SUSD5: variants seen among roughly 807,000 people sequenced by gnomAD.
The protein encoded by SUSD5 is sushi domain containing 5.
Under a neutral mutation model 29.5 loss-of-function variants are expected in SUSD5, and 33 were observed. The ratio of observed to expected loss-of-function variants is 1.12; its 90% CI spans 0.85 to 1.49. The LOEUF is 1.49. Ranked by LOEUF, SUSD5 falls within the 40% of genes most tolerant of loss-of-function variation. The probability of loss-of-function intolerance (pLI) is 0.00; values close to 1 mark genes in which losing one functional copy is unlikely to be tolerated. For missense variants in SUSD5, 776 were observed against 800.6 expected (o/e 0.97, Z 0.37); for synonymous variants, 308 against 325.3 (o/e 0.95, Z 0.57).
In SUSD5 at chr3:33,204,966, C is replaced by T. The variant is rs2032189096; in HGVS notation, c.409+2842G>A. Among the ~76,000 whole-genome samples the T allele has an allele frequency of 6.6e-6, 1 of 151,976 alleles. No homozygotes were observed. Among genetic ancestry groups the T allele is most frequent in the South Asian group, 2.1e-4 (1 of 4,820 alleles). ...CATTCTCTTCTCTCTCTTCCTCTCTCCACACCTCTTCCTCTCTCCACACCA... is the reference window on the plus strand; with the variant it reads ...CATTCTCTTCTCTCTCTTCCTCTCTTCACACCTCTTCCTCTCTCCACACCA... On this transcript the variant is annotated intron_variant, in intron 3 of 4. Transcript: ENST00000309558. This position sits in a 1 kb window ranked among gnomAD's most constrained non-coding sequence, Gnocchi z 4.5.
At chr3:33,165,913 T>C (rs192449393) in intron 4 of SUSD5, among the ~76,000 whole-genome samples, 1 of 149,764 alleles carries the variant, frequency 6.7e-6, no homozygotes, top group Non-Finnish European at 1.5e-5. Flanking sequence ...GAGCCCGAGA[T>C]AGGAGGATCA....
At chr3:33,207,988 A>AGTG in intron 2 of SUSD5, 62 bp from the exon 3 acceptor site, 2 of 1,257,626 alleles carry the variant, frequency 1.6e-6, no homozygotes, top group African/African-American at 3.0e-5. Context: ...ATAAGGAATA[A>AGTG]TTCTCTTCTG....
chr3:33,218,148 T>C (rs1221755203), intron 1 of SUSD5, among the ~76,000 whole-genome samples: 1 of 152,216 alleles, frequency 6.6e-6, no homozygotes, highest in Non-Finnish European at 1.5e-5. Context: ...TTGTCCCGTT[T>C]TTCCTGTCAC....
intron 3 of SUSD5, among the ~76,000 whole-genome samples, chr3:33,189,346 C>T (rs1295909627): frequency 6.6e-6 from 1 of 151,958 alleles, no homozygotes. Flanking sequence ...GATGTGGCGG[C>T]GCACGCCTGT....
intron 3 of SUSD5, among the ~76,000 whole-genome samples, chr3:33,190,492 T>C (rs2031868731): frequency 6.6e-6 from 1 of 152,258 alleles, no homozygotes; most frequent in Non-Finnish European, 1.5e-5. Context: ...TTTAAAAATT[T>C]ATTGTAAATG....
At chr3:33,191,990 T>C (rs753736156) in intron 3 of SUSD5, among the ~76,000 whole-genome samples, 1 of 152,308 alleles carries the variant, frequency 6.6e-6, no homozygotes, top group East Asian at 1.9e-4. Flanking sequence ...AATTTGCTTG[T>C]TTCCCTTCAG....
intron 4 of SUSD5, among the ~76,000 whole-genome samples, chr3:33,174,502 G>T (rs376594718): frequency 6.6e-6 from 1 of 152,140 alleles, no homozygotes. Context: ...AGTCTTCCCA[G>T]CCCAGTTTAC....
Position 33,153,081 on chromosome 3 carries a change from G to T in SUSD5, c.1551C>A (p.Thr517=). The change falls in exon 5 of 5, where the codon ACC becomes ACA. Residue 517 remains threonine (T), a synonymous_variant. Coordinates refer to ENST00000309558, the MANE Select transcript of SUSD5 (RefSeq NM_015551.2). ...CAGTGGTTTCTACTGGAGGCTGGGT[G>T]GTTGCCATGATCGTTGAGGGGATGT... is the stretch of plus-strand genomic sequence containing the variant. The part of the protein sequence containing the change: ...PNHIPSTIMA[T]TQPPVETTVP... The T allele has an allele frequency of 6.2e-7, 1 of 1,613,892 alleles. No individual in the cohort carries two copies. The highest frequency in any genetic ancestry group is 8.5e-7 in the Non-Finnish European group (1 of 1,179,848).
rs1302904728 is a variant in SUSD5 at position 33,153,347 on chromosome 3, C to T, written c.1285G>A (p.Glu429Lys). 11 of 1,613,754 alleles carry T rather than the reference C, an allele frequency of 6.8e-6. No individual in the cohort carries two copies. The highest frequency in any genetic ancestry group is 5.5e-5 in the South Asian group (5 of 91,066). The change falls in exon 5 of 5, where the codon GAG becomes AAG. Residue 429 changes from glutamate to lysine, a missense_variant. Coordinates refer to ENST00000309558, the MANE Select transcript of SUSD5 (RefSeq NM_015551.2). ...AGAACTGAACTATGGGTCATGCCCT[C>T]GCTTGGTGTGAGGGTGCTACTCTTG... is the stretch of plus-strand genomic sequence containing the variant. ...KPKSSTLTPSEGMTHSSVLPS... is the reference protein window; with the variant it reads ...KPKSSTLTPSKGMTHSSVLPS...
chr3:33,184,839 T>C (rs1185657176), intron 3 of SUSD5, among the ~76,000 whole-genome samples: 1 of 152,240 alleles, frequency 6.6e-6, no homozygotes, highest in African/African-American at 2.4e-5. Flanking sequence ...GCCCTGAGCA[T>C]AGTTATCATA....
chr3:33,209,887 C>T (rs937157641), intron 2 of SUSD5, among the ~76,000 whole-genome samples: 4 of 152,072 alleles, frequency 2.6e-5, no homozygotes, highest in Non-Finnish European at 4.4e-5. Flanking sequence ...TTTTTCATGT[C>T]TAGAGTTTCC....
chr3:33,211,208 T>C (rs1010489205), intron 2 of SUSD5, among the ~76,000 whole-genome samples: 17 of 152,212 alleles, frequency 1.1e-4, no homozygotes, highest in African/African-American at 3.9e-4. Flanking sequence ...GTTTTCTTTG[T>C]AAGGTAATAT....
intron 2 of SUSD5, among the ~76,000 whole-genome samples, chr3:33,213,385 CAG>C (rs60558890): frequency 0.3 from 45,490 of 151,936 alleles, 7,334 homozygotes; most frequent in Non-Finnish European, 0.36. Context: ...GCCTGGTGGA[CAG>C]AGTGAGACCC....
chr3:33,177,324 C>T (rs555900898), intron 3 of SUSD5, among the ~76,000 whole-genome samples: 4 of 152,318 alleles, frequency 2.6e-5, no homozygotes, highest in African/African-American at 9.6e-5. Flanking sequence ...GAAAAACTGA[C>T]ATCTTCACAA....
intron 3 of SUSD5, among the ~76,000 whole-genome samples, chr3:33,184,153 A>G (rs537667622): frequency 5.5e-4 from 84 of 151,388 alleles, no homozygotes; most frequent in African/African-American, 1.7e-3. Flanking sequence ...TTGGCCAGGC[A>G]GGTCTCGAAC....
rs1158202558 is a variant in SUSD5 at position 33,218,689 on chromosome 3, C to T, written c.109G>A (p.Asp37Asn). ...CCGCCGCCTCCCGCACACTCACCAT[C>T]CGCCCGCACCGAAAGGCGCGGCAGA... ...LGLPRLSVRA[D>N]GKFFVLESQN... Residue 37 changes from aspartate (D) to asparagine (N), a missense_variant, in exon 1 of 5, where the codon GAT becomes AAT. Physicochemically the swap from Asp to Asn is conservative, Grantham distance 23 (BLOSUM62 1). Transcript: ENST00000309558. The T allele has an allele frequency of 1.5e-6, 2 of 1,304,846 alleles. No individual in the cohort carries two copies. The highest frequency in any genetic ancestry group is 4.2e-5 in the Admixed American group (1 of 24,030). The allele number at this position is 1,304,846 out of a possible 1,614,324, so 80.8% of individuals were successfully genotyped here. A position where few individuals can be genotyped will look rare whatever the true frequency, so the allele number is the denominator to read the frequency against.
At chr3:33,201,700 C>T (rs922692137) in intron 3 of SUSD5, among the ~76,000 whole-genome samples, 2 of 152,130 alleles carry the variant, frequency 1.3e-5, no homozygotes, top group African/African-American at 4.8e-5. Flanking sequence ...CCTCTGCAGC[C>T]ATCTCAGGCC....
intron 3 of SUSD5, among the ~76,000 whole-genome samples, chr3:33,197,653 C>T (rs1363304348): frequency 6.6e-6 from 1 of 152,140 alleles, no homozygotes; most frequent in African/African-American, 2.4e-5. Flanking sequence ...CCCCAAGCAA[C>T]TATTAAGCTA....
intron 3 of SUSD5, among the ~76,000 whole-genome samples, chr3:33,178,958 C>T (rs1247093408): frequency 1.3e-5 from 2 of 152,146 alleles, no homozygotes; most frequent in Non-Finnish European, 2.9e-5. Flanking sequence ...TGGCAGAATC[C>T]ACTAGTGAAC....
Sources: allele counts gnomAD v4.1 joint callset (sites outside exome capture counted in the v4.1 genomes callset), GRCh38; gene constraint gnomAD v4.1.1; non-coding constraint Gnocchi (gnomAD v3.1); transcripts MANE v1.5; gene names NCBI Gene and HGNC (gene_info 2026-07-23, HGNC 2026-07-21).